MACROD2: variants seen among roughly 807,000 people sequenced by gnomAD.
MACROD2 encodes ADP-ribose glycohydrolase MACROD2.
MACROD2 carries 36 observed loss-of-function variants against 70.4 expected under a neutral mutation model. The ratio of observed to expected loss-of-function variants is 0.51; its 90% CI spans 0.39 to 0.68. MACROD2 has a LOEUF of 0.68. MACROD2 is among the 30% of genes least tolerant of loss of function. The pLI, the probability that MACROD2 is intolerant of heterozygous loss-of-function variation, is 0.00. For synonymous variants in MACROD2, 172 were observed against 178.8 expected (o/e 0.96, Z 0.30); for missense variants, 496 against 538.4 (o/e 0.92, Z 0.78).
chr20:15,399,578 G>C (rs984006597), intron 6 of MACROD2, among the ~76,000 whole-genome samples: 1 of 151,914 alleles, frequency 6.6e-6, no homozygotes. Flanking sequence ...CCTTTTATTT[G>C]TGCCTGTTAT....
intron 15 of MACROD2, among the ~76,000 whole-genome samples, chr20:16,040,041 A>G (rs1197625938): frequency 6.6e-6 from 1 of 151,770 alleles, no homozygotes; most frequent in Non-Finnish European, 1.5e-5. Context: ...AACTTGTTTG[A>G]TATCTCACAT....
intron 15 of MACROD2, among the ~76,000 whole-genome samples, chr20:16,008,422 T>G (rs542977198): frequency 1.6e-4 from 24 of 152,348 alleles, no homozygotes; most frequent in South Asian, 1.2e-3. Context: ...TTATTTTTAA[T>G]AGAAATTGCT....
chr20:14,286,388 C>G (rs1285940691), intron 3 of MACROD2, among the ~76,000 whole-genome samples: 1 of 152,058 alleles, frequency 6.6e-6, no homozygotes, highest in Non-Finnish European at 1.5e-5. Context: ...TAAGCAAAAA[C>G]TACAATGGGT....
At chr20:14,846,491 C>T (rs2073142300) in intron 5 of MACROD2, among the ~76,000 whole-genome samples, 1 of 150,844 alleles carries the variant, frequency 6.6e-6, no homozygotes, top group African/African-American at 2.4e-5. Context: ...GTAGACTTTA[C>T]ACTTTTTGGG....
intron 3 of MACROD2, among the ~76,000 whole-genome samples, chr20:14,133,573 T>TA (rs2054748318): frequency 6.6e-6 from 1 of 151,984 alleles, no homozygotes; most frequent in Admixed American, 6.6e-5. Flanking sequence ...TAAAACACAG[T>TA]AAAGAGGTAC....
intron 8 of MACROD2, among the ~76,000 whole-genome samples, chr20:15,755,367 A>C (rs1357553390): frequency 6.6e-6 from 1 of 152,208 alleles, no homozygotes; most frequent in East Asian, 1.9e-4. Context: ...ATGTAAGAAG[A>C]AGTTTAAATA....
At chr20:14,669,971 C>T (rs901267994) in intron 4 of MACROD2, among the ~76,000 whole-genome samples, 3 of 151,862 alleles carry the variant, frequency 2.0e-5, no homozygotes, top group Non-Finnish European at 2.9e-5. Context: ...TTAGGACCTG[C>T]GCCTTGAGAA....
rs553909661 is a variant in MACROD2, at chr20:15,708,566, G to A, written c.646-154179G>A. ...GGAGGTCTCACCAGAGAGGGAGCCA[G>A]ACCCTGTTCAATAATGCCTCGACTT... is the stretch of plus-strand genomic sequence containing the variant. On this transcript the variant is annotated intron_variant, in intron 8 of 17. Transcript: ENST00000684519. Among the ~76,000 whole-genome samples, 3 of 152,298 alleles carry A rather than the reference G, an allele frequency of 2.0e-5. No homozygotes were observed. In the South Asian group the frequency reaches 6.2e-4, roughly 32 times the overall value.
intron 6 of MACROD2, among the ~76,000 whole-genome samples, chr20:15,377,366 G>A (rs1434259476): frequency 6.6e-6 from 1 of 152,154 alleles, no homozygotes; most frequent in South Asian, 2.1e-4. Flanking sequence ...GGAATAAAAA[G>A]GACAAGAAAA....
intron 15 of MACROD2, among the ~76,000 whole-genome samples, chr20:16,039,699 CA>C (rs887259970): frequency 6.6e-6 from 1 of 151,814 alleles, no homozygotes; most frequent in Admixed American, 6.6e-5. Flanking sequence ...TGTTGATGAA[CA>C]ATTGAAAAAT....
intron 5 of MACROD2, among the ~76,000 whole-genome samples, chr20:14,958,793 C>T (rs2074559194): frequency 6.6e-6 from 1 of 152,104 alleles, no homozygotes; most frequent in African/African-American, 2.4e-5. Context: ...ACCTATAGGG[C>T]TTGTTAAAAC....
intron 10 of MACROD2, among the ~76,000 whole-genome samples, chr20:15,887,069 C>T (rs549295539): frequency 6.6e-6 from 1 of 152,074 alleles, no homozygotes; most frequent in African/African-American, 2.4e-5. Flanking sequence ...CCAGAATTCC[C>T]TACAAATCAC....
intron 15 of MACROD2, among the ~76,000 whole-genome samples, chr20:16,029,265 A>G (rs1257369763): frequency 6.6e-6 from 1 of 152,190 alleles, no homozygotes; most frequent in Non-Finnish European, 1.5e-5. Context: ...TTTTGGGAGG[A>G]CACAAATACT....
In MACROD2 at chr20:14,847,131, T is replaced by TA. The variant is rs150611685; in HGVS notation, c.418+162179dup. ...GTGTATCTTTTATTATTGGTTACTT[T>TA]AAAAAAAGAGTAAAACTACTTCTGT... is the stretch of plus-strand genomic sequence containing the variant. On this transcript the variant is annotated intron_variant, in intron 5 of 17. Coordinates refer to ENST00000684519, the MANE Select transcript of MACROD2 (RefSeq NM_001351661.2). 1.5e-3 allele frequency among the ~76,000 whole-genome samples: 232 copies of TA among 152,240 alleles called. 5 individuals carry two copies. The East Asian group carries it at 0.023, about 15-fold the overall frequency.
At chr20:14,120,666 T>C (rs1266836364) in intron 3 of MACROD2, among the ~76,000 whole-genome samples, 1 of 150,822 alleles carries the variant, frequency 6.6e-6, no homozygotes, top group African/African-American at 2.4e-5. Flanking sequence ...ATGTGATATA[T>C]ATATATATCA....
intron 15 of MACROD2, among the ~76,000 whole-genome samples, chr20:16,029,302 A>G (rs1038074213): frequency 1.3e-5 from 2 of 152,200 alleles, no homozygotes; most frequent in Non-Finnish European, 2.9e-5. Flanking sequence ...TCTGATCAGA[A>G]CCATCATTTG....
chr20:14,536,708 C>A (rs1262445411), intron 4 of MACROD2, among the ~76,000 whole-genome samples: 2 of 151,434 alleles, frequency 1.3e-5, no homozygotes, highest in South Asian at 2.1e-4. Context: ...TACATTAAGT[C>A]ACATTTTTTA....
At chr20:15,278,701 A>G (rs2077415442) in intron 6 of MACROD2, among the ~76,000 whole-genome samples, 1 of 152,332 alleles carries the variant, frequency 6.6e-6, no homozygotes, top group East Asian at 1.9e-4. Flanking sequence ...CTATAAACAC[A>G]TATGATTTCG....
intron 5 of MACROD2, among the ~76,000 whole-genome samples, chr20:14,932,974 CTTCTT>C (rs943825074): frequency 2.0e-5 from 3 of 152,144 alleles, no homozygotes; most frequent in Non-Finnish European, 1.5e-5. Context: ...GCCAGGGTGT[CTTCTT>C]TTCTTTTATA....
Sources: gnomAD v4.1 joint callset for allele counts (sites outside exome capture counted in the v4.1 genomes callset) on GRCh38, gnomAD v4.1.1 for gene constraint, MANE v1.5 for transcripts, NCBI Gene and HGNC (gene_info 2026-07-23, HGNC 2026-07-21) for gene names.